Variants in ADNP2 observed in about 807,000 individuals in gnomAD.
ADNP2 encodes the protein ADNP homeobox 2.
A neutral mutation model predicts 16.4 loss-of-function variants in ADNP2; 8 were observed. The observed-to-expected ratio is 0.49, with a 90% confidence interval of 0.29 to 0.88. ADNP2 has a LOEUF of 0.88. ADNP2 is among the 40% of genes least tolerant of loss of function. The probability of loss-of-function intolerance (pLI) is 0.09; values close to 1 mark genes in which losing one functional copy is unlikely to be tolerated. For missense variants in ADNP2, 1,397 were observed against 1,395.1 expected (o/e 1.00, Z -0.02); for synonymous variants, 637 against 545.8 (o/e 1.17, Z -2.33).
intron 1 of ADNP2, among the ~76,000 whole-genome samples, chr18:80,113,939 C>T (rs567566053): frequency 1.3e-5 from 2 of 152,022 alleles, no homozygotes; most frequent in South Asian, 4.2e-4. Flanking sequence ...GCCTGTAATC[C>T]CCGTACTTTG....
At chr18:80,125,104 A>T (rs2052449509) in intron 2 of ADNP2, among the ~76,000 whole-genome samples, 1 of 152,174 alleles carries the variant, frequency 6.6e-6, no homozygotes, top group African/African-American at 2.4e-5. Context: ...TAAAGTTTTA[A>T]TAGGCAGCAT....
intron 2 of ADNP2, among the ~76,000 whole-genome samples, chr18:80,128,642 C>T (rs1159821168): frequency 6.6e-6 from 1 of 151,900 alleles, no homozygotes; most frequent in African/African-American, 2.4e-5. Context: ...AGAGCAAGAC[C>T]CCGTCTCAAA....
At chr18:80,116,195 A>G (rs1285992815) in intron 1 of ADNP2, among the ~76,000 whole-genome samples, 1 of 152,168 alleles carries the variant, frequency 6.6e-6, no homozygotes, top group Non-Finnish European at 1.5e-5. Flanking sequence ...TGTAGCATGT[A>G]TGTATTTCAT....
rs2052540320 is a variant in ADNP2 at position 80,136,840 on chromosome 18, T to C, written c.1427T>C (p.Leu476Pro). The change falls in exon 4 of 4, where the codon CTT becomes CCT. Residue 476 changes from leucine (L) to proline (P), a missense_variant. Physicochemically the swap from Leu to Pro is moderately conservative, Grantham distance 98. Coordinates refer to ENST00000262198, the MANE Select transcript of ADNP2 (RefSeq NM_014913.4). ...IPGQTATSGV[L>P]PTGQMVQSGV... The stretch of plus-strand genomic sequence containing the variant: ...GGGCAAACAGCAACTTCTGGGGTTC[T>C]TCCTACTGGCCAGATGGTCCAGTCA... 10 of 1,614,018 alleles carry C rather than the reference T, an allele frequency of 6.2e-6. No homozygotes were observed. The highest frequency in any genetic ancestry group is 4.4e-5 in the South Asian group (4 of 91,076).
At chr18:80,112,096 T>A (rs2052361441) in intron 1 of ADNP2, among the ~76,000 whole-genome samples, 2 of 152,156 alleles carry the variant, frequency 1.3e-5, no homozygotes, top group African/African-American at 4.8e-5. Context: ...GCCTGCTGTT[T>A]TCTAATGGTG....
intron 2 of ADNP2, among the ~76,000 whole-genome samples, chr18:80,120,735 A>C (rs1382631334): frequency 6.6e-6 from 1 of 151,838 alleles, no homozygotes; most frequent in Non-Finnish European, 1.5e-5. Flanking sequence ...ACTCACTGCA[A>C]CCTCCGACTC....
chr18:80,110,338 G>C (rs560513862), intron 1 of ADNP2, among the ~76,000 whole-genome samples: 2 of 152,182 alleles, frequency 1.3e-5, no homozygotes, highest in African/African-American at 4.8e-5. Flanking sequence ...CAGAAGACTT[G>C]CCTGCGTGCT....
At position 80,137,505 on chromosome 18, in the gene ADNP2, G is replaced by A; in HGVS notation, c.2092G>A (p.Val698Ile). 3 of 1,614,232 alleles carry A rather than the reference G, an allele frequency of 1.9e-6. No homozygotes were observed. Among genetic ancestry groups the A allele is most frequent in the Middle Eastern group, 1.6e-4 (1 of 6,062 alleles). The change falls in exon 4 of 4, where the codon GTC (valine) becomes ATC (isoleucine). Residue 698 changes from valine (V) to isoleucine (I), a missense_variant. By Grantham distance (29) the Val-to-Ile change is conservative. Around this residue, in one of 3 missense-constraint regions of ADNP2, gnomAD observed 611 missense variants for 648.7 expected, o/e 0.94. Coordinates refer to ENST00000262198, the MANE Select transcript of ADNP2 (RefSeq NM_014913.4). The surrounding 1 kb of genome is among the most constrained non-coding windows in gnomAD (Gnocchi z 4.2). Reference protein sequence around the residue: ...KQAKQWKTCPVCNELFPSNVY... With the variant: ...KQAKQWKTCPICNELFPSNVY... The stretch of plus-strand genomic sequence containing the variant: ...GGCCAAGCAGTGGAAGACCTGCCCT[G>A]TCTGCAACGAGCTCTTTCCGTCCAA...
At chr18:80,131,048 C>T (rs2145208104) in intron 2 of ADNP2, among the ~76,000 whole-genome samples, 1 of 152,216 alleles carries the variant, frequency 6.6e-6, no homozygotes, top group South Asian at 2.1e-4. Flanking sequence ...TGTCTTAGGC[C>T]ATTTTACCTG....
rs2052510401 is a variant in ADNP2, at chr18:80,133,273, G to A, written c.198+81G>A. 17 of 1,134,246 alleles carry A rather than the reference G, an allele frequency of 1.5e-5. 1 individual carries two copies. In the Admixed American group the frequency reaches 2.6e-4, roughly 17 times the overall value. 70.3% of individuals were successfully genotyped at this position (1,134,246 alleles called of 1,614,324 possible). A position where few individuals can be genotyped will look rare whatever the true frequency, so the allele number is the denominator to read the frequency against. The stretch of plus-strand genomic sequence containing the variant: ...AAATGTGGTCTAAAGAACATCACAT[G>A]TATTGGGGTTGCTGGTGAGTGAATG... On this transcript the variant is annotated intron_variant, in intron 3 of 3. Coordinates refer to ENST00000262198, the MANE Select transcript of ADNP2 (RefSeq NM_014913.4).
intron 1 of ADNP2, among the ~76,000 whole-genome samples, chr18:80,110,271 A>C (rs938337225): frequency 1.3e-5 from 2 of 152,216 alleles, no homozygotes; most frequent in African/African-American, 4.8e-5. Context: ...TGCCCTTTTA[A>C]ATACTGTACA....
chr18:80,127,496 A>G lies in ADNP2; in HGVS notation c.109-5607A>G, dbSNP rs193201296. ...TGTTAGTGCATTTTTCATTCATGGAAGTGCAATTTACCATCCATCTTTCAC... is the reference window on the plus strand; with the variant it reads ...TGTTAGTGCATTTTTCATTCATGGAGGTGCAATTTACCATCCATCTTTCAC... On this transcript the variant is annotated intron_variant, in intron 2 of 3. Coordinates refer to ENST00000262198, the MANE Select transcript of ADNP2 (RefSeq NM_014913.4). Among the ~76,000 whole-genome samples, 552 of 152,190 alleles carry G rather than the reference A, an allele frequency of 3.6e-3. 3 individuals carry two copies. Among genetic ancestry groups the G allele is most frequent in the Non-Finnish European group, 6.6e-3 (448 of 68,000 alleles).
Position 80,135,815 on chromosome 18 carries a change from C to G in ADNP2, c.402C>G (p.Val134=). The change falls in exon 4 of 4, where the codon GTC becomes GTG. Residue 134 remains valine, a synonymous_variant. Coordinates refer to ENST00000262198, the MANE Select transcript of ADNP2 (RefSeq NM_014913.4). The part of the protein sequence containing the change: ...FRMFHAPVRK[V]QNYTVNILGE... Reference sequence around the variant, plus strand: ...TGTTCCATGCACCTGTCCGGAAAGTCCAGAACTACACAGTGAATATTTTAG... The same window carrying G: ...TGTTCCATGCACCTGTCCGGAAAGTGCAGAACTACACAGTGAATATTTTAG... 1 of 1,614,196 alleles carries G rather than the reference C, an allele frequency of 6.2e-7. No individual in the cohort carries two copies. The highest frequency in any genetic ancestry group is 1.1e-5 in the South Asian group (1 of 91,086).
rs200492916 is a variant in ADNP2, at chr18:80,137,155, C to G, written c.1742C>G (p.Pro581Arg). The G allele has an allele frequency of 1.2e-6, 2 of 1,614,214 alleles. No homozygotes were observed. Among genetic ancestry groups the G allele is most frequent in the Admixed American group, 1.7e-5 (1 of 60,028 alleles). ...ACCAACATTCTGCCTGTGAATCAGC[C>G]AGTGAGACCTGGTGCTTCGCAGAAC... Reference protein sequence around the residue: ...VGTNILPVNQPVRPGASQNTT... With the variant: ...VGTNILPVNQRVRPGASQNTT... The change falls in exon 4 of 4, where the codon CCA (proline) becomes CGA (arginine). Residue 581 changes from proline to arginine, a missense_variant. By Grantham distance (103) the Pro-to-Arg change is moderately radical (BLOSUM62 -2). Around this residue, in one of 3 missense-constraint regions of ADNP2, gnomAD observed 777 missense variants for 719.4 expected, o/e 1.08. Transcript: ENST00000262198. The surrounding 1 kb of genome is among the most constrained non-coding windows in gnomAD (Gnocchi z 4.2).
At chr18:80,114,327 A>C (rs1426913704) in intron 1 of ADNP2, among the ~76,000 whole-genome samples, 1 of 152,228 alleles carries the variant, frequency 6.6e-6, no homozygotes, top group Admixed American at 6.5e-5. Context: ...TGATAATAAA[A>C]ATTTGACATT....
chr18:80,114,533 C>T (rs1568407710), intron 1 of ADNP2, among the ~76,000 whole-genome samples: 1 of 152,092 alleles, frequency 6.6e-6, no homozygotes, highest in Non-Finnish European at 1.5e-5. Flanking sequence ...AAAAAAGTTG[C>T]CACATTACCC....
chr18:80,134,063 A>C lies in ADNP2; in HGVS notation c.198+871A>C, dbSNP rs575756312. ...CCCATTTTTCAGTCTCTGACCTGAC[A>C]CTCTCCTCTCTACCATGAGTTGCAA... On this transcript the variant is annotated intron_variant, in intron 3 of 3. Coordinates refer to ENST00000262198, the MANE Select transcript of ADNP2 (RefSeq NM_014913.4). Among the ~76,000 whole-genome samples, 5 of 151,662 alleles carry C rather than the reference A, an allele frequency of 3.3e-5. No homozygotes were observed. The East Asian group carries it at 9.7e-4, about 29-fold the overall frequency.
intron 2 of ADNP2, among the ~76,000 whole-genome samples, chr18:80,119,711 C>G (rs185860479): frequency 6.6e-6 from 1 of 152,178 alleles, no homozygotes. Context: ...ATATCTAAAC[C>G]CTGCTGCACA....
At chr18:80,117,479 T>G in intron 1 of ADNP2, 51 bp from the exon 2 acceptor site, 1 of 1,119,166 alleles carries the variant, frequency 8.9e-7, no homozygotes, top group Non-Finnish European at 1.2e-6. Flanking sequence ...AATGTATTTT[T>G]GTGTATTATA....
Sources: gnomAD v4.1 joint callset for allele counts (sites outside exome capture counted in the v4.1 genomes callset) on GRCh38, gnomAD v4.1.1 for gene constraint, gnomAD v4.1.1 regional missense constraint, Gnocchi (gnomAD v3.1) non-coding constraint, MANE v1.5 for transcripts, NCBI Gene and HGNC (gene_info 2026-07-23, HGNC 2026-07-21) for gene names.